Variants in KCNMB2 observed in about 807,000 individuals in gnomAD.
The protein encoded by KCNMB2 is potassium calcium-activated channel subfamily M regulatory beta subunit 2, also known as calcium-activated potassium channel subunit beta-2.
Under a neutral mutation model 24.5 loss-of-function variants are expected in KCNMB2, and 9 were observed. That is an observed-to-expected ratio of 0.37 (90% CI 0.22 to 0.64). The LOEUF (loss-of-function observed/expected upper bound fraction) is 0.64. Ranked by LOEUF, KCNMB2 falls within the 30% of genes least tolerant of loss-of-function variation. The pLI, the probability that KCNMB2 is intolerant of heterozygous loss-of-function variation, is 0.63. For synonymous variants in KCNMB2, 109 were observed against 104.4 expected, an observed-to-expected ratio of 1.04 and a Z score of -0.27; for missense variants, 226 against 284.3, an observed-to-expected ratio of 0.79 and a Z score of 1.47.
chr3:178,552,086 A>G (rs1321893580), intron 1 of KCNMB2, among the ~76,000 whole-genome samples: 2 of 152,216 alleles, frequency 1.3e-5, no homozygotes. Flanking sequence ...AACCCAGGCA[A>G]TCTGCTTTCC....
At chr3:178,574,787 G>T (rs757601263) in intron 1 of KCNMB2, among the ~76,000 whole-genome samples, 53 of 152,176 alleles carry the variant, frequency 3.5e-4, no homozygotes, top group Non-Finnish European at 6.9e-4. Flanking sequence ...ATAAATCTGG[G>T]CCAGGCGTGG....
chr3:178,584,399 C>T (rs548797083), intron 1 of KCNMB2, among the ~76,000 whole-genome samples: 1 of 152,280 alleles, frequency 6.6e-6, no homozygotes, highest in Non-Finnish European at 1.5e-5. Context: ...AGAGATCCTG[C>T]CCAGTCTCCC....
chr3:178,687,712 T>C (rs889045876), intron 1 of KCNMB2, among the ~76,000 whole-genome samples: 3 of 152,134 alleles, frequency 2.0e-5, no homozygotes, highest in Non-Finnish European at 1.5e-5. Flanking sequence ...CAAGAGAAAG[T>C]ACTAGGAAAA....
intron 1 of KCNMB2, among the ~76,000 whole-genome samples, chr3:178,724,975 C>T (rs1722921214): frequency 1.3e-5 from 2 of 151,768 alleles, no homozygotes; most frequent in African/African-American, 4.8e-5. Context: ...CATTTTTGCT[C>T]AGGGTTGCTT....
At chr3:178,816,466 T>A (rs1714407362) in intron 2 of KCNMB2, among the ~76,000 whole-genome samples, 10 of 152,152 alleles carry the variant, frequency 6.6e-5, no homozygotes, top group Admixed American at 5.9e-4. Context: ...ATAGTTCATC[T>A]ATTTCATTTA....
intron 3 of KCNMB2, among the ~76,000 whole-genome samples, chr3:178,827,638 G>T (rs1714885289): frequency 6.6e-6 from 1 of 152,180 alleles, no homozygotes; most frequent in Admixed American, 6.5e-5. Flanking sequence ...TTATTAGAAA[G>T]ACCTTAAGGC....
chr3:178,585,251 A>G (rs1243653998), intron 1 of KCNMB2, among the ~76,000 whole-genome samples: 1 of 152,204 alleles, frequency 6.6e-6, no homozygotes, highest in Admixed American at 6.5e-5. Flanking sequence ...ACATTTGTAC[A>G]AACTCGAATT....
At chr3:178,756,833 A>G (rs532361577) in intron 1 of KCNMB2, among the ~76,000 whole-genome samples, 115 of 152,190 alleles carry the variant, frequency 7.6e-4, no homozygotes, top group Non-Finnish European at 1.2e-3. Context: ...ATTAAAACTC[A>G]TGCCTGAATG....
intron 1 of KCNMB2, among the ~76,000 whole-genome samples, chr3:178,635,847 A>G (rs1719500957): frequency 6.6e-6 from 1 of 152,224 alleles, no homozygotes; most frequent in Non-Finnish European, 1.5e-5. Flanking sequence ...ATAATTATAC[A>G]AATTCAATAC....
chr3:178,796,537 G>A (rs1713550364), intron 1 of KCNMB2, among the ~76,000 whole-genome samples: 1 of 152,006 alleles, frequency 6.6e-6, no homozygotes, highest in African/African-American at 2.4e-5. Flanking sequence ...CAAAAAAATT[G>A]AAATAATATC....
chr3:178,677,222 A>G (rs1721100644), intron 1 of KCNMB2, among the ~76,000 whole-genome samples: 1 of 152,214 alleles, frequency 6.6e-6, no homozygotes, highest in African/African-American at 2.4e-5. Flanking sequence ...CGCTGACCTC[A>G]GTTGACAGAG....
At chr3:178,589,075 A>G (rs909570932) in intron 1 of KCNMB2, among the ~76,000 whole-genome samples, 3 of 152,224 alleles carry the variant, frequency 2.0e-5, no homozygotes, top group Admixed American at 2.0e-4. Flanking sequence ...TGGCCTTAAA[A>G]AAGACTCTTC....
intron 1 of KCNMB2, among the ~76,000 whole-genome samples, chr3:178,593,787 C>A (rs959232852): frequency 1.3e-5 from 2 of 150,968 alleles, no homozygotes; most frequent in African/African-American, 2.4e-5. Flanking sequence ...CAATACATCT[C>A]CACCTTAGAT....
chr3:178,615,968 G>T (rs1250001295), intron 1 of KCNMB2, among the ~76,000 whole-genome samples: 1 of 152,158 alleles, frequency 6.6e-6, no homozygotes, highest in African/African-American at 2.4e-5. Context: ...TCATCTGGGG[G>T]CTAGGGCCTG....
chr3:178,707,807 G>T (rs1722328441), intron 1 of KCNMB2, among the ~76,000 whole-genome samples: 1 of 152,120 alleles, frequency 6.6e-6, no homozygotes, highest in Non-Finnish European at 1.5e-5. Context: ...CCTGTAAGGG[G>T]CTAATTTAAA....
chr3:178,700,837 A>G (rs1221703372), intron 1 of KCNMB2, among the ~76,000 whole-genome samples: 1 of 151,904 alleles, frequency 6.6e-6, no homozygotes, highest in African/African-American at 2.4e-5. Context: ...TTTTAAAGCT[A>G]TAGAGAGAAT....
intron 1 of KCNMB2, among the ~76,000 whole-genome samples, chr3:178,776,568 A>G (rs1161972901): frequency 6.6e-6 from 1 of 152,184 alleles, no homozygotes; most frequent in Admixed American, 6.5e-5. Flanking sequence ...TAAATGTTTA[A>G]TGGGACACCA....
chr3:178,747,631 C>A (rs1723713276), intron 1 of KCNMB2, among the ~76,000 whole-genome samples: 1 of 152,304 alleles, frequency 6.6e-6, no homozygotes, highest in African/African-American at 2.4e-5. Context: ...CCATTTCACT[C>A]CAAAACCTAT....
intron 1 of KCNMB2, among the ~76,000 whole-genome samples, chr3:178,735,736 T>C (rs1559995345): frequency 1.3e-5 from 2 of 152,220 alleles, no homozygotes; most frequent in Admixed American, 6.5e-5. Flanking sequence ...TGTTTCATGG[T>C]TATTGTTACA....
Sources: allele counts gnomAD v4.1 joint callset (sites outside exome capture counted in the v4.1 genomes callset), GRCh38; gene constraint gnomAD v4.1.1; transcripts MANE v1.5; gene names NCBI Gene and HGNC (gene_info 2026-07-23, HGNC 2026-07-21).